Variants in SNTG1 observed in about 807,000 individuals in gnomAD.
SNTG1 encodes gamma-1-syntrophin.
In SNTG1, 39 loss-of-function variants were observed where a neutral mutation model predicts 74.7. The ratio of observed to expected loss-of-function variants is 0.52; its 90% CI spans 0.40 to 0.68. The LOEUF is 0.68. Among genes scored for constraint, SNTG1 ranks in the 30% least tolerant of loss-of-function variants. The pLI is 0.00. For synonymous variants in SNTG1, 254 were observed against 217.1 expected, an observed-to-expected ratio of 1.17 and a Z score of -1.49; for missense variants, 685 against 609.5, an observed-to-expected ratio of 1.12 and a Z score of -1.30.
At chr8:50,641,653 C>T (rs1040498659) in intron 13 of SNTG1, among the ~76,000 whole-genome samples, 1 of 152,184 alleles carries the variant, frequency 6.6e-6, no homozygotes, top group African/African-American at 2.4e-5. Flanking sequence ...TTTTATCAAC[C>T]CCACAAATGA....
At chr8:50,594,720 A>G (rs2094715395) in intron 13 of SNTG1, among the ~76,000 whole-genome samples, 1 of 152,168 alleles carries the variant, frequency 6.6e-6, no homozygotes, top group South Asian at 2.1e-4. Context: ...AAAGAAAAGT[A>G]GGATAAATTT....
chr8:50,551,314 T>C (rs2094424963), intron 11 of SNTG1, among the ~76,000 whole-genome samples: 2 of 152,180 alleles, frequency 1.3e-5, no homozygotes, highest in African/African-American at 4.8e-5. Context: ...TATTAACTTA[T>C]AAGCCTAGTT....
At chr8:50,600,853 T>G (rs541516955) in intron 13 of SNTG1, among the ~76,000 whole-genome samples, 25 of 151,982 alleles carry the variant, frequency 1.6e-4, no homozygotes, top group African/African-American at 5.1e-4. Flanking sequence ...TTTGGTTTGC[T>G]GTTGCTTGTC....
intron 4 of SNTG1, among the ~76,000 whole-genome samples, chr8:50,436,261 A>G (rs10957916): frequency 0.86 from 130,153 of 152,168 alleles, 55,777 homozygotes; most frequent in Non-Finnish European, 0.89. Context: ...CCTGTCATAC[A>G]AGAATTTTAG....
At chr8:50,580,610 T>G (rs1023288569) in intron 12 of SNTG1, among the ~76,000 whole-genome samples, 2 of 152,156 alleles carry the variant, frequency 1.3e-5, no homozygotes, top group Non-Finnish European at 2.9e-5. Flanking sequence ...TATAGTGAGT[T>G]CTCAGGAGAT....
chr8:50,297,880 C>CTT (rs35875751), intron 2 of SNTG1, among the ~76,000 whole-genome samples: 15 of 137,516 alleles, frequency 1.1e-4, no homozygotes, highest in African/African-American at 2.7e-4. Flanking sequence ...AAATATGTGG[C>CTT]TTTTTTTTTT....
At chr8:50,782,477 T>C (rs1431612614) in intron 18 of SNTG1, among the ~76,000 whole-genome samples, 1 of 152,228 alleles carries the variant, frequency 6.6e-6, no homozygotes, top group Non-Finnish European at 1.5e-5. Flanking sequence ...ACTGATACTC[T>C]TTCTTCCAGT....
At chr8:50,229,511 G>A (rs903620247) in intron 2 of SNTG1, among the ~76,000 whole-genome samples, 1 of 151,426 alleles carries the variant, frequency 6.6e-6, no homozygotes, top group African/African-American at 2.4e-5. Flanking sequence ...AGATTATCAG[G>A]AATAATGATC....
intron 1 of SNTG1, among the ~76,000 whole-genome samples, chr8:50,092,206 T>G (rs1465295396): frequency 6.6e-6 from 1 of 152,206 alleles, no homozygotes; most frequent in African/African-American, 2.4e-5. Flanking sequence ...TAGCAGGGAC[T>G]TCATACGTGG....
chr8:50,315,488 TAA>T (rs1209542086), intron 2 of SNTG1, among the ~76,000 whole-genome samples: 2 of 149,862 alleles, frequency 1.3e-5, no homozygotes. Context: ...GAGAACTATT[TAA>T]GAGTAGATAA....
At chr8:50,432,935 G>A (rs534941242) in intron 4 of SNTG1, among the ~76,000 whole-genome samples, 22 of 151,688 alleles carry the variant, frequency 1.5e-4, no homozygotes, top group Non-Finnish European at 2.1e-4. Flanking sequence ...GGATTACAGC[G>A]CACATCTCCA....
In SNTG1 at chr8:50,291,682, T is replaced by A. The variant is rs558121070; in HGVS notation, c.-27-102530T>A. Reference sequence around the variant, plus strand: ...TGATAAAATGACTGTCTTTAAAAAATTACTCTGGCAACTGAGTGAAGAATA... The same window carrying A: ...TGATAAAATGACTGTCTTTAAAAAAATACTCTGGCAACTGAGTGAAGAATA... On this transcript the variant is annotated intron_variant, in intron 2 of 18. Coordinates refer to ENST00000642720, the MANE Select transcript of SNTG1 (RefSeq NM_018967.5). Among the ~76,000 whole-genome samples the A allele has an allele frequency of 2.6e-5, 4 of 152,212 alleles. No individual in the cohort carries two copies. The South Asian group carries it at 8.3e-4, about 32-fold the overall frequency.
intron 8 of SNTG1, among the ~76,000 whole-genome samples, chr8:50,467,336 T>G (rs994196539): frequency 6.6e-6 from 1 of 151,890 alleles, no homozygotes; most frequent in Non-Finnish European, 1.5e-5. Flanking sequence ...TCGTTAAATA[T>G]CTTTAATAAA....
At chr8:50,779,367 CTT>C (rs2131822120) in intron 18 of SNTG1, among the ~76,000 whole-genome samples, 1 of 152,272 alleles carries the variant, frequency 6.6e-6, no homozygotes, top group African/African-American at 2.4e-5. Flanking sequence ...TTTGTATCCT[CTT>C]TTATTTCATC....
chr8:49,965,976 T>C (rs565187499), intron 1 of SNTG1, among the ~76,000 whole-genome samples: 1 of 152,186 alleles, frequency 6.6e-6, no homozygotes, highest in Non-Finnish European at 1.5e-5. Flanking sequence ...TTCTTATGCC[T>C]CCCCTTCATC....
At chr8:50,717,042 C>T (rs1442685615) in intron 17 of SNTG1, among the ~76,000 whole-genome samples, 1 of 152,136 alleles carries the variant, frequency 6.6e-6, no homozygotes, top group African/African-American at 2.4e-5. Context: ...AGCTCTTACT[C>T]ATTTCTTGAT....
chr8:50,575,108 G>A (rs2094569828), intron 12 of SNTG1, among the ~76,000 whole-genome samples: 2 of 152,150 alleles, frequency 1.3e-5, no homozygotes, highest in South Asian at 2.1e-4. Flanking sequence ...GTGTGGTGGT[G>A]CAATTATGTC....
intron 2 of SNTG1, among the ~76,000 whole-genome samples, chr8:50,278,864 C>A (rs1386112611): frequency 1.3e-5 from 2 of 151,906 alleles, no homozygotes; most frequent in African/African-American, 4.8e-5. Flanking sequence ...TCTAAGAGAG[C>A]AGTTTACAGT....
intron 1 of SNTG1, among the ~76,000 whole-genome samples, chr8:49,912,647 A>G (rs561623553): frequency 6.6e-6 from 1 of 152,218 alleles, no homozygotes. Flanking sequence ...AACATATTTT[A>G]TATTGTTATA....
Sources: allele counts gnomAD v4.1 joint callset (sites outside exome capture counted in the v4.1 genomes callset), GRCh38; gene constraint gnomAD v4.1.1; transcripts MANE v1.5; gene names NCBI Gene and HGNC (gene_info 2026-07-23, HGNC 2026-07-21).